The following ABCB6 variants were observed in gnomAD, a reference collection of about 807,000 sequenced individuals.
ABCB6 encodes ATP binding cassette subfamily B member 6 (LAN blood group), also known as ATP-binding cassette sub-family B member 6.
A neutral mutation model predicts 99.4 loss-of-function variants in ABCB6; 87 were observed. The ratio of observed to expected loss-of-function variants is 0.88; its 90% CI spans 0.74 to 1.05. The LOEUF (loss-of-function observed/expected upper bound fraction) is 1.05, where lower values mean the gene tolerates loss of function less well. Among genes scored for constraint, ABCB6 ranks in the 50% least tolerant of loss-of-function variants. The pLI, the probability that ABCB6 is intolerant of heterozygous loss-of-function variation, is 0.00. For synonymous variants in ABCB6, 482 were observed against 447.5 expected (o/e 1.08, Z -0.97); for missense variants, 1,050 against 1,097.9 (o/e 0.96, Z 0.62).
chr2:219,215,225 G>C, intron 5 of ABCB6, 143 bp from the exon 6 acceptor site: 1 of 1,042,604 alleles, frequency 9.6e-7, no homozygotes, highest in Non-Finnish European at 1.4e-6. Flanking sequence ...AGAGGTGGGT[G>C]GCTAAATCAA....
At chr2:219,213,544 AAAT>A (rs1950603611) in intron 10 of ABCB6, 42 bp from the exon 11 acceptor site, 7 of 1,614,122 alleles carry the variant, frequency 4.3e-6, no homozygotes, top group Non-Finnish European at 5.9e-6. Flanking sequence ...AGTAGCCAGG[AAAT>A]AATAATGTGC....
chr2:219,216,026 C>T lies in ABCB6; in HGVS notation c.1125G>A (p.Arg375=), dbSNP rs1559237709. ...GCAGCCCTGTGACACTGGATGTGCC[C>T]CGATCCGCGATCCGCAGCACCTCCC... ...RTGEVLRIAD[R]GTSSVTGLLS... The change falls in exon 5 of 19, where the codon CGG becomes CGA. Residue 375 remains arginine (R), a synonymous_variant. Transcript: ENST00000265316. This position sits in a 1 kb window ranked among gnomAD's most constrained non-coding sequence, Gnocchi z 4.2. The T allele has an allele frequency of 6.3e-7, 1 of 1,599,486 alleles. No homozygotes were observed. The highest frequency in any genetic ancestry group is 1.7e-5 in the Admixed American group (1 of 59,348).
At chr2:219,212,363 C>T (rs767539478) in intron 14 of ABCB6, 24 bp downstream of exon 14, 3 of 1,604,544 alleles carry the variant, frequency 1.9e-6, no homozygotes, top group South Asian at 1.1e-5. Flanking sequence ...CCCTAAACCA[C>T]CGTCTTCTCC....
At position 219,214,154 on chromosome 2, in the gene ABCB6, C is replaced by T. The variant is rs771594650; in HGVS notation, c.1419G>A (p.Val473=). The change falls in exon 8 of 19, where the codon GTG becomes GTA. Residue 473 remains valine (V), a synonymous_variant. Coordinates refer to ENST00000265316, the MANE Select transcript of ABCB6 (RefSeq NM_005689.4). ...TGATGATGGCCTCTCGATAGCGTTC[C>T]ACTTCGTAACTCTCGGCGTTGTAAT... ...VKYYNAESYE[V]ERYREAIIKY... is the part of the protein sequence containing the mutation. The T allele has an allele frequency of 1.2e-5, 20 of 1,614,102 alleles. No individual in the cohort carries two copies. The highest frequency in any genetic ancestry group is 1.7e-5 in the Admixed American group (1 of 60,014).
rs903808859 is a variant in ABCB6, at chr2:219,214,084, G to C, written c.1452+37C>G. On this transcript the variant is annotated intron_variant, in intron 8 of 18. Coordinates refer to ENST00000265316, the MANE Select transcript of ABCB6 (RefSeq NM_005689.4). ...GCCCTGAAAATTCTACCAGGCCAGG[G>C]CATTATTCTCCGGAGGCCTCAAACT... 3 of 1,612,818 alleles carry C rather than the reference G, an allele frequency of 1.9e-6. No individual in the cohort carries two copies. In the African/African-American group the frequency reaches 4.0e-5, roughly 22 times the overall value.
At chr2:219,214,356 G>A (rs374839701) in intron 7 of ABCB6, 33 bp downstream of exon 7, 179 of 1,567,108 alleles carry the variant, frequency 1.1e-4, no homozygotes, top group African/African-American at 6.9e-4. Flanking sequence ...ACATCTCCAC[G>A]CCTCACACCA....
At chr2:219,214,528 AG>A in intron 6 of ABCB6, 30 bp from the exon 7 acceptor site, 1 of 1,495,042 alleles carries the variant, frequency 6.7e-7, no homozygotes. Context: ...GGAGCAGAAT[AG>A]GACATCATCC....
chr2:219,214,256 C>T, intron 7 of ABCB6, 70 bp from the exon 8 acceptor site: 1 of 1,537,638 alleles, frequency 6.5e-7, no homozygotes. Flanking sequence ...CCCCCCAACT[C>T]TCAATCCTCC....
chr2:219,216,956 T>G lies in ABCB6; in HGVS notation c.688-124A>C. On this transcript the variant is annotated intron_variant, in intron 2 of 18. Coordinates refer to ENST00000265316, the MANE Select transcript of ABCB6 (RefSeq NM_005689.4). The surrounding 1 kb of genome is among the most constrained non-coding windows in gnomAD (Gnocchi z 4.2). ...GTATCTCAGACCCACAAGTGATCCT[T>G]GATGGGGTCAGAAAAACTAAGTTGC... The G allele has an allele frequency of 1.2e-6, 1 of 819,774 alleles. No homozygotes were observed. The allele number at this position is 819,774 out of a possible 1,614,324, so 50.8% of individuals were successfully genotyped here. A position where few individuals can be genotyped will look rare whatever the true frequency, so the allele number is the denominator to read the frequency against.
chr2:219,213,545 A>G, intron 10 of ABCB6, 43 bp from the exon 11 acceptor site: 2 of 1,614,116 alleles, frequency 1.2e-6, no homozygotes, highest in Non-Finnish European at 8.5e-7. Flanking sequence ...GTAGCCAGGA[A>G]ATAATAATGT....
chr2:219,218,482 C>A lies in ABCB6; in HGVS notation c.192G>T (p.Trp64Cys). The A allele has an allele frequency of 6.2e-7, 1 of 1,608,258 alleles. No individual in the cohort carries two copies. The highest frequency in any genetic ancestry group is 8.5e-7 in the Non-Finnish European group (1 of 1,177,872). The part of the protein sequence containing the change: ...ERPAGADSLS[W>C]GAGPRISPYV... ...AGGGAGAGATGCGAGGGCCGGCCCC[C>A]CAAGACAGCGAATCAGCACCAGCGG... The change falls in exon 1 of 19, where the codon TGG becomes TGT. Residue 64 changes from tryptophan (W) to cysteine (C), a missense_variant. By Grantham distance (215) the Trp-to-Cys change is radical. Coordinates refer to ENST00000265316, the MANE Select transcript of ABCB6 (RefSeq NM_005689.4).
Position 219,213,915 on chromosome 2 carries a change from G to A in ABCB6, c.1489C>T (p.Leu497=), listed in dbSNP as rs756601629. ...ATCACCAGGTTCTGGGTCTGATTTA[G>A]TAAAACCAGTGAAGCGCTCGACTTC... The part of the protein sequence containing the change: ...EWKSSASLVL[L]NQTQNLVIGL... Residue 497 remains leucine (L), a synonymous_variant, in exon 9 of 19, where the codon CTA becomes TTA. Transcript: ENST00000265316. 3 of 1,614,108 alleles carry A rather than the reference G, an allele frequency of 1.9e-6. No individual in the cohort carries two copies. Among genetic ancestry groups the A allele is most frequent in the Non-Finnish European group, 2.5e-6 (3 of 1,180,034 alleles).
At position 219,218,210 on chromosome 2, in the gene ABCB6, G is replaced by A; in HGVS notation, c.464C>T (p.Thr155Ile). 1 of 1,613,868 alleles carries A rather than the reference G, an allele frequency of 6.2e-7. No individual in the cohort carries two copies. Among genetic ancestry groups the A allele is most frequent in the East Asian group, 2.2e-5 (1 of 44,888 alleles). The change falls in exon 1 of 19, where the codon ACT (threonine) becomes ATT (isoleucine). Residue 155 changes from threonine (T) to isoleucine (I), a missense_variant. Coordinates refer to ENST00000265316, the MANE Select transcript of ABCB6 (RefSeq NM_005689.4). ...RHSPGLLLLW[T>I]VAFAAENLAL... ...CAAGTTCTCAGCTGCAAACGCCACA[G>A]TCCAGAGGAGCAGGAGACCAGGGCT...
At position 219,214,168 on chromosome 2, in the gene ABCB6, C is replaced by G. The variant is rs111677240; in HGVS notation, c.1405G>C (p.Glu469Gln). The part of the protein sequence containing the change: ...NFETVKYYNA[E>Q]SYEVERYREA... ...CGATAGCGTTCCACTTCGTAACTCT[C>G]GGCGTTGTAATACTTCACCTGATGA... Residue 469 changes from glutamate to glutamine, a missense_variant, in exon 8 of 19, where the codon GAG becomes CAG. Transcript: ENST00000265316. The G allele has an allele frequency of 2.2e-5, 36 of 1,614,194 alleles. No individual in the cohort carries two copies. In the South Asian group the frequency reaches 4.0e-4, roughly 18 times the overall value.
At chr2:219,214,756 A>G in intron 6 of ABCB6, 1 of 651,820 alleles carries the variant, frequency 1.5e-6, no homozygotes, top group Non-Finnish European at 2.6e-6. Flanking sequence ...TTAACGTGAC[A>G]AGAATGTCCT....
In ABCB6 at chr2:219,210,702, A is replaced by G. The variant is rs1327615637; in HGVS notation, c.2256+9T>C. ...AGGCAGGAAGGAGGGGAGGAGACCC[A>G]GGGCGCACCTCATCCAGCAGAATGA... On this transcript the variant is annotated intron_variant, in intron 16 of 18. Transcript: ENST00000265316. The G allele has an allele frequency of 6.2e-7, 1 of 1,613,406 alleles. No homozygotes were observed. The highest frequency in any genetic ancestry group is 1.1e-5 in the South Asian group (1 of 91,072).
chr2:219,217,742 C>G lies in ABCB6; in HGVS notation c.615G>C (p.Trp205Cys). The G allele has an allele frequency of 1.2e-6, 2 of 1,613,984 alleles. No individual in the cohort carries two copies. Among genetic ancestry groups the G allele is most frequent in the Non-Finnish European group, 1.7e-6 (2 of 1,179,970 alleles). Residue 205 changes from tryptophan (W) to cysteine (C), a missense_variant, in exon 2 of 19, where the codon TGG becomes TGC. Coordinates refer to ENST00000265316, the MANE Select transcript of ABCB6 (RefSeq NM_005689.4). ...VSGGLFVLGL[W>C]APGLRPQSYT... ...AGGACTGGGGACGAAGTCCAGGGGCCCAGAGACCCAGGACAAACAGCCCTC... is the reference window on the plus strand; with the variant it reads ...AGGACTGGGGACGAAGTCCAGGGGCGCAGAGACCCAGGACAAACAGCCCTC...
chr2:219,210,154 C>A (rs1218663972), intron 18 of ABCB6, 76 bp downstream of exon 18: 10 of 1,597,170 alleles, frequency 6.3e-6, no homozygotes, highest in Non-Finnish European at 8.6e-6. Flanking sequence ...CCTCCAGAAG[C>A]CCCTGGGACT....
chr2:219,212,853 A>G (rs1046254321), intron 13 of ABCB6, among the ~76,000 whole-genome samples, 155 bp downstream of exon 13: 1 of 152,094 alleles, frequency 6.6e-6, no homozygotes, highest in Non-Finnish European at 1.5e-5. Context: ...TTCCCTCTCC[A>G]AGAGGTCACC....
Sources: gnomAD v4.1 joint callset for allele counts (sites outside exome capture counted in the v4.1 genomes callset) on GRCh38, gnomAD v4.1.1 for gene constraint, Gnocchi (gnomAD v3.1) non-coding constraint, MANE v1.5 for transcripts, NCBI Gene and HGNC (gene_info 2026-07-23, HGNC 2026-07-21) for gene names.